Variants in NOTCH2 observed in about 807,000 individuals in gnomAD.
NOTCH2 encodes the protein neurogenic locus notch homolog protein 2.
NOTCH2 carries 29 observed loss-of-function variants against 235.8 expected under a neutral mutation model. The observed-to-expected ratio is 0.12, with a 90% CI of 0.09 to 0.17. NOTCH2 has a LOEUF of 0.17. NOTCH2 is among the 10% of genes least tolerant of loss of function. The pLI is 1.00. For missense variants in NOTCH2, 2,285 were observed against 3,150.2 expected, an observed-to-expected ratio of 0.73 and a Z score of 6.57; for synonymous variants, 1,086 against 1,141.5, an observed-to-expected ratio of 0.95 and a Z score of 0.98.
rs2493410 is a variant in NOTCH2 at position 119,966,180 on chromosome 1, T to C, written c.1567+196A>G. On this transcript the variant is annotated intron_variant, in intron 9 of 33. Coordinates refer to ENST00000256646, the MANE Select transcript of NOTCH2 (RefSeq NM_024408.4). ...GCCATTCAAGAATAGACTTGGACTT[T>C]TGGCCACAAAGGACTTGTAAGATAT... Among the ~76,000 whole-genome samples, 46,965 of 152,096 alleles carry C rather than the reference T, an allele frequency of 0.31. 12,715 individuals carry two copies. The highest frequency in any genetic ancestry group is 0.73 in the African/African-American group (30,472 of 41,466).
Position 119,925,437 on chromosome 1 carries a change from T to C in NOTCH2, c.4379A>G (p.Glu1460Gly). Residue 1460 changes from glutamate to glycine, a missense_variant, in exon 25 of 34, where the codon GAG (glutamate) becomes GGG (glycine). By Grantham distance (98) the Glu-to-Gly change is moderately conservative. Around this residue, in one of 6 missense-constraint regions of NOTCH2, gnomAD observed 1,173 missense variants for 1,515.3 expected, o/e 0.77. Coordinates refer to ENST00000256646, the MANE Select transcript of NOTCH2 (RefSeq NM_024408.4). Reference protein sequence around the residue: ...WDGGDCSLTMENPWANCSSPL... With the variant: ...WDGGDCSLTMGNPWANCSSPL... Reference sequence around the variant, plus strand: ...GGAGGAGCAGTTGGCCCAGGGGTTCTCCATGGTGAGAGAACAGTCACCCCC... The same window carrying C: ...GGAGGAGCAGTTGGCCCAGGGGTTCCCCATGGTGAGAGAACAGTCACCCCC... 1.9e-6 allele frequency: 3 copies of C among 1,614,184 alleles called. No individual in the cohort carries two copies. The South Asian group carries it at 3.3e-5, about 18-fold the overall frequency.
intron 2 of NOTCH2, among the ~76,000 whole-genome samples, chr1:120,016,097 GT>G (rs1653443045): frequency 7.3e-6 from 1 of 137,048 alleles, no homozygotes; most frequent in African/African-American, 2.7e-5. Flanking sequence ...TTCTAGTGTA[GT>G]TTTTCTAGGG....
At chr1:119,933,179 A>T (rs1367371666) in intron 22 of NOTCH2, among the ~76,000 whole-genome samples, 1 of 152,250 alleles carries the variant, frequency 6.6e-6, no homozygotes, top group Non-Finnish European at 1.5e-5. Context: ...AGAGAACTCA[A>T]CCTCAGCCTG....
At chr1:119,962,866 T>C (rs1199045940) in intron 11 of NOTCH2, among the ~76,000 whole-genome samples, 1 of 152,190 alleles carries the variant, frequency 6.6e-6, no homozygotes, top group African/African-American at 2.4e-5. Context: ...CATCCAAACC[T>C]GTGAGATGCT....
intron 1 of NOTCH2, among the ~76,000 whole-genome samples, chr1:120,055,509 G>T (rs1412265376): frequency 1.8e-5 from 2 of 108,366 alleles, no homozygotes; most frequent in African/African-American, 7.3e-5. Context: ...GTTAACATAT[G>T]GACCATTTAC....
At chr1:119,925,876 G>A (rs2101163544) in intron 24 of NOTCH2, 66 bp from the exon 25 acceptor site, 1 of 1,585,814 alleles carries the variant, frequency 6.3e-7, no homozygotes, top group East Asian at 2.2e-5. Flanking sequence ...GAAGTTTGAG[G>A]TTTCTAGAAA....
At position 119,940,607 on chromosome 1, in the gene NOTCH2, A is replaced by T. The variant is rs782733443; in HGVS notation, c.3131T>A (p.Leu1044Gln). 1.1e-5 allele frequency: 17 copies of T among 1,613,990 alleles called. No individual in the cohort carries two copies. The highest frequency in any genetic ancestry group is 2.5e-6 in the Non-Finnish European group (3 of 1,179,964). ...CLNEGTCVDG[L>Q]GTYRCSCPLG... The stretch of plus-strand genomic sequence containing the variant: ...GGGGCAGCTGCAGCGGTAGGTACCC[A>T]GGCCATCAACACACGTTCCCTCATT... The change falls in exon 19 of 34, where the codon CTG (leucine) becomes CAG (glutamine). Residue 1044 changes from leucine to glutamine, a missense_variant. By Grantham distance (113) the Leu-to-Gln change is moderately radical. Coordinates refer to ENST00000256646, the MANE Select transcript of NOTCH2 (RefSeq NM_024408.4).
intron 9 of NOTCH2, 66 bp from the exon 10 acceptor site, chr1:119,965,632 G>A: frequency 2.7e-6 from 3 of 1,114,276 alleles, no homozygotes; most frequent in Non-Finnish European, 4.1e-6. Context: ...CCATGAGAAT[G>A]ATGTTAGGTT....
chr1:119,973,508 T>A (rs970907946), intron 5 of NOTCH2, among the ~76,000 whole-genome samples: 2 of 152,134 alleles, frequency 1.3e-5, no homozygotes, highest in East Asian at 3.9e-4. Context: ...GAGTGCTGCA[T>A]TGAAACCCGG....
Position 119,985,362 on chromosome 1 carries a change from G to A in NOTCH2, c.874+1598C>T, listed in dbSNP as rs186072940. Among the ~76,000 whole-genome samples, 5 of 152,132 alleles carry A rather than the reference G, an allele frequency of 3.3e-5. No homozygotes were observed. In the East Asian group the frequency reaches 5.8e-4, roughly 18 times the overall value. On this transcript the variant is annotated intron_variant, in intron 5 of 33. Transcript: ENST00000256646. ...CACCCTTTTTGGAAAATATAAAAAC[G>A]GAAACATCTTATAAAGACTTCTAGC... is the stretch of plus-strand genomic sequence containing the variant.
At chr1:120,007,500 G>A (rs1361716641) in intron 2 of NOTCH2, among the ~76,000 whole-genome samples, 6 of 134,378 alleles carry the variant, frequency 4.5e-5, no homozygotes, top group Non-Finnish European at 9.0e-5. Flanking sequence ...AGAATAGCCC[G>A]GCCAACATGG....
Position 119,915,570 on chromosome 1 carries a change from G to A in NOTCH2, c.7152C>T (p.Pro2384=), listed in dbSNP as rs1422403258. 3.7e-6 allele frequency: 6 copies of A among 1,614,052 alleles called. No homozygotes were observed. Among genetic ancestry groups the A allele is most frequent in the South Asian group, 1.1e-5 (1 of 91,090 alleles). The change falls in exon 34 of 34, where the codon CCC becomes CCT. Residue 2384 remains proline, a synonymous_variant. Coordinates refer to ENST00000256646, the MANE Select transcript of NOTCH2 (RefSeq NM_024408.4). ...CATAACTGTGCTGTGAAGGGGGTGTGGGGTACTTGCCCACAGAGGCTGGGA... is the reference window on the plus strand; with the variant it reads ...CATAACTGTGCTGTGAAGGGGGTGTAGGGTACTTGCCCACAGAGGCTGGGA... ...HPFPASVGKY[P]TPPSQHSYAS... is the part of the protein sequence containing the mutation.
In NOTCH2 at chr1:119,925,408, G is replaced by A. The variant is rs1364100310; in HGVS notation, c.4408C>T (p.Leu1470Phe). 1 of 1,614,108 alleles carries A rather than the reference G, an allele frequency of 6.2e-7. No homozygotes were observed. Among genetic ancestry groups the A allele is most frequent in the East Asian group, 2.2e-5 (1 of 44,896 alleles). Reference sequence around the variant, plus strand: ...TTGTTGATATAATCCCAGCAGGGAAGTGGGGAGGAGCAGTTGGCCCAGGGG... The same window carrying A: ...TTGTTGATATAATCCCAGCAGGGAAATGGGGAGGAGCAGTTGGCCCAGGGG... ...ENPWANCSSP[L>F]PCWDYINNQC... Residue 1470 changes from leucine (L) to phenylalanine (F), a missense_variant, in exon 25 of 34, where the codon CTT (leucine) becomes TTT (phenylalanine). Leu to Phe is a conservative substitution (Grantham distance 22). Transcript: ENST00000256646.
At chr1:119,994,513 C>A (rs1490831347) in intron 4 of NOTCH2, 5 of 122,832 alleles carry the variant, frequency 4.1e-5, no homozygotes, top group Non-Finnish European at 8.1e-5. Context: ...AACATCTGCA[C>A]AATGCCATAT....
At chr1:119,927,533 T>G (rs1156653701) in intron 23 of NOTCH2, among the ~76,000 whole-genome samples, 2 of 152,150 alleles carry the variant, frequency 1.3e-5, no homozygotes, top group African/African-American at 4.8e-5. Context: ...GGATTTTTTT[T>G]TTTTCATTCA....
chr1:120,055,190 T>TA (rs1448969184), intron 1 of NOTCH2, among the ~76,000 whole-genome samples: 2 of 70,130 alleles, frequency 2.9e-5, no homozygotes, highest in Admixed American at 1.8e-4. Flanking sequence ...AGGAAACAAG[T>TA]AAAGTATTTT....
chr1:119,966,015 A>G (rs932198730), intron 9 of NOTCH2, among the ~76,000 whole-genome samples: 3 of 152,188 alleles, frequency 2.0e-5, no homozygotes, highest in African/African-American at 7.2e-5. Flanking sequence ...CATGGGTGAA[A>G]TGTCTAAAAA....
chr1:119,977,444 A>G (rs1553201094), intron 5 of NOTCH2, among the ~76,000 whole-genome samples: 1 of 152,278 alleles, frequency 6.6e-6, no homozygotes, highest in East Asian at 1.9e-4. Flanking sequence ...TAAGGTGTAC[A>G]ACTTCCTTCT....
intron 1 of NOTCH2, among the ~76,000 whole-genome samples, chr1:120,058,360 C>G (rs1292558517): frequency 2.0e-5 from 3 of 149,806 alleles, no homozygotes; most frequent in African/African-American, 7.4e-5. Context: ...AAAAAATTAG[C>G]CAGGCGTTGT....
Sources: allele counts gnomAD v4.1 joint callset (sites outside exome capture counted in the v4.1 genomes callset), GRCh38; gene constraint gnomAD v4.1.1; regional missense constraint gnomAD v4.1.1; transcripts MANE v1.5; gene names NCBI Gene and HGNC (gene_info 2026-07-23, HGNC 2026-07-21).